Variants in SMOC1 observed in about 807,000 individuals in gnomAD.
The protein encoded by SMOC1 is SPARC-related modular calcium-binding protein 1.
Under a neutral mutation model 56.3 loss-of-function variants are expected in SMOC1, and 22 were observed. The ratio of observed to expected loss-of-function variants is 0.39; its 90% CI spans 0.28 to 0.56. SMOC1 has a LOEUF of 0.56. Among genes scored for constraint, SMOC1 ranks in the 20% least tolerant of loss-of-function variants. The pLI is 0.61. For synonymous variants in SMOC1, 193 were observed against 215.0 expected (o/e 0.90, Z 0.89); for missense variants, 509 against 565.4 (o/e 0.90, Z 1.01).
At chr14:69,905,820 C>T (rs1884392284) in intron 1 of SMOC1, among the ~76,000 whole-genome samples, 1 of 152,162 alleles carries the variant, frequency 6.6e-6, no homozygotes, top group Non-Finnish European at 1.5e-5. Flanking sequence ...TGTCATGAAT[C>T]ACATTGGGTA....
intron 1 of SMOC1, among the ~76,000 whole-genome samples, chr14:69,905,555 T>C (rs1159685718): frequency 1.3e-5 from 2 of 151,986 alleles, no homozygotes; most frequent in African/African-American, 4.8e-5. Context: ...CAGTGAGTAG[T>C]TTGGAGGGGG....
At chr14:69,982,820 C>T (rs539756931) in intron 5 of SMOC1, among the ~76,000 whole-genome samples, 9 of 152,294 alleles carry the variant, frequency 5.9e-5, no homozygotes, top group East Asian at 1.9e-4. Context: ...GGGCAGCTGA[C>T]GACCTCCATG....
chr14:69,963,381 A>G (rs550068426), intron 3 of SMOC1, among the ~76,000 whole-genome samples: 105 of 152,312 alleles, frequency 6.9e-4, no homozygotes, highest in Middle Eastern at 3.4e-3. Context: ...TAGAATCACC[A>G]AAGATGAGCA....
chr14:69,986,692 G>GCTTCCT (rs1884377221), intron 5 of SMOC1, among the ~76,000 whole-genome samples: 2 of 152,118 alleles, frequency 1.3e-5, no homozygotes, highest in South Asian at 4.1e-4. Flanking sequence ...TGCTGCCGGT[G>GCTTCCT]CTTCCTCTTC....
At chr14:70,003,590 T>G (rs2139570517) in intron 7 of SMOC1, among the ~76,000 whole-genome samples, 1 of 152,282 alleles carries the variant, frequency 6.6e-6, no homozygotes. Flanking sequence ...ATGAATCTTT[T>G]ACACCAGAGA....
At chr14:70,023,120 G>T in intron 10 of SMOC1, 83 bp from the exon 11 acceptor site, 5 of 1,605,962 alleles carry the variant, frequency 3.1e-6, no homozygotes, top group Non-Finnish European at 4.3e-6. Flanking sequence ...CTGACTTTCT[G>T]GGGGCAGTCA....
At chr14:69,889,034 A>G (rs1341887848) in intron 1 of SMOC1, among the ~76,000 whole-genome samples, 11 of 152,238 alleles carry the variant, frequency 7.2e-5, no homozygotes, top group Non-Finnish European at 1.5e-4. Flanking sequence ...GTCCAATATT[A>G]GCCACATGTG....
intron 4 of SMOC1, among the ~76,000 whole-genome samples, chr14:69,977,447 T>G (rs1358664759): frequency 6.6e-6 from 1 of 152,252 alleles, no homozygotes; most frequent in African/African-American, 2.4e-5. Context: ...TTAATGCAGA[T>G]GGAGAATCGC....
At chr14:70,006,516 G>T (rs1355187051) in intron 7 of SMOC1, among the ~76,000 whole-genome samples, 1 of 152,138 alleles carries the variant, frequency 6.6e-6, no homozygotes, top group Non-Finnish European at 1.5e-5. Flanking sequence ...TTGACTGAAG[G>T]GCTTACAGGG....
At chr14:70,029,727 T>C (rs1886068637) in intron 11 of SMOC1, among the ~76,000 whole-genome samples, 1 of 152,180 alleles carries the variant, frequency 6.6e-6, no homozygotes, top group Non-Finnish European at 1.5e-5. Context: ...ACCCATTCAG[T>C]AAGTTGCCCC....
chr14:69,892,759 A>G (rs1883997482), intron 1 of SMOC1, among the ~76,000 whole-genome samples: 1 of 152,184 alleles, frequency 6.6e-6, no homozygotes, highest in South Asian at 2.1e-4. Flanking sequence ...GTACATTTTC[A>G]TATATATCTG....
chr14:69,944,988 C>T (rs1166206629), intron 1 of SMOC1, among the ~76,000 whole-genome samples: 2 of 152,026 alleles, frequency 1.3e-5, no homozygotes, highest in Admixed American at 1.3e-4. Flanking sequence ...GAACAAATAC[C>T]TTTAATCACT....
intron 5 of SMOC1, among the ~76,000 whole-genome samples, chr14:69,978,388 C>T (rs1425663905): frequency 6.6e-6 from 1 of 152,200 alleles, no homozygotes; most frequent in African/African-American, 2.4e-5. Context: ...GATGCTCCTT[C>T]ATAATTGTCC....
intron 1 of SMOC1, 50 bp downstream of exon 1, chr14:69,879,827 C>A: frequency 6.8e-7 from 1 of 1,472,412 alleles, no homozygotes; most frequent in South Asian, 1.2e-5. Context: ...GGGGAGGTTG[C>A]TTCCCCCCTC....
At chr14:70,008,081 C>T (rs1323978338) in intron 7 of SMOC1, among the ~76,000 whole-genome samples, 4 of 151,656 alleles carry the variant, frequency 2.6e-5, no homozygotes, top group Non-Finnish European at 4.4e-5. Flanking sequence ...TTTTGCTATC[C>T]CCCATTTTTC....
At chr14:69,897,473 A>G (rs1338132183) in intron 1 of SMOC1, among the ~76,000 whole-genome samples, 2 of 150,846 alleles carry the variant, frequency 1.3e-5, no homozygotes, top group African/African-American at 4.9e-5. Context: ...CTTTCTGCCT[A>G]TTTTTCTCTT....
chr14:69,960,075 C>T (rs931848675), intron 3 of SMOC1, among the ~76,000 whole-genome samples: 1 of 152,192 alleles, frequency 6.6e-6, no homozygotes, highest in Non-Finnish European at 1.5e-5. Flanking sequence ...ACATTCCCAG[C>T]AAGTACTGAA....
intron 1 of SMOC1, among the ~76,000 whole-genome samples, chr14:69,946,306 T>A (rs1436734053): frequency 5.9e-5 from 9 of 152,194 alleles, no homozygotes; most frequent in Admixed American, 5.9e-4. Context: ...ACTTTTCCAA[T>A]AGGAAAAATG....
intron 7 of SMOC1, among the ~76,000 whole-genome samples, chr14:70,000,626 T>C (rs547966559): frequency 2.7e-4 from 41 of 152,308 alleles, no homozygotes; most frequent in African/African-American, 9.9e-4. Flanking sequence ...CTCCATGCTA[T>C]ATTGGGACAA....
Sources: allele counts gnomAD v4.1 joint callset (sites outside exome capture counted in the v4.1 genomes callset), GRCh38; gene constraint gnomAD v4.1.1; transcripts MANE v1.5; gene names NCBI Gene and HGNC (gene_info 2026-07-23, HGNC 2026-07-21).